The following RNF150 variants were observed in gnomAD, a reference collection of about 807,000 sequenced individuals.
The protein encoded by RNF150 is ring finger protein 150.
RNF150 carries 24 observed loss-of-function variants against 39.3 expected under a neutral mutation model. The observed-to-expected ratio is 0.61, with a 90% CI of 0.44 to 0.86. The LOEUF (loss-of-function observed/expected upper bound fraction) is 0.86. Among genes scored for constraint, RNF150 ranks in the 40% least tolerant of loss-of-function variants. RNF150 has a pLI of 0.00. For synonymous variants in RNF150, 255 were observed against 227.3 expected (o/e 1.12, Z -1.10); for missense variants, 502 against 587.8 (o/e 0.85, Z 1.51).
In RNF150 at chr4:140,868,145, GC is replaced by G; in HGVS notation, c.*115del. 1.5e-6 allele frequency: 1 copy of G among 688,744 alleles called. No individual in the cohort carries two copies. The allele number at this position is 688,744 out of a possible 1,614,324, so 42.7% of individuals were successfully genotyped here. A position where few individuals can be genotyped will look rare whatever the true frequency, so the allele number is the denominator to read the frequency against. On this transcript the variant is annotated 3_prime_UTR_variant, in exon 7 of 7. Coordinates refer to ENST00000515673, the MANE Select transcript of RNF150 (RefSeq NM_020724.2). ...TTTCGTCAGCATTCTTGAACGGAGCGCCCTGGAGTTGCCAAGGTGATCTGGA... is the reference window on the plus strand; with the variant it reads ...TTTCGTCAGCATTCTTGAACGGAGCGCCTGGAGTTGCCAAGGTGATCTGGA...
At chr4:140,899,468 C>T (rs1730088459) in intron 6 of RNF150, among the ~76,000 whole-genome samples, 1 of 152,156 alleles carries the variant, frequency 6.6e-6, no homozygotes, top group Admixed American at 6.5e-5. Context: ...CCTGGAAATT[C>T]CTAGACATCT....
intron 1 of RNF150, among the ~76,000 whole-genome samples, chr4:140,983,239 T>G (rs1171898740): frequency 6.6e-6 from 1 of 152,128 alleles, no homozygotes; most frequent in African/African-American, 2.4e-5. Context: ...TTTCTATTTT[T>G]CATTAACTTT....
intron 1 of RNF150, among the ~76,000 whole-genome samples, chr4:141,084,640 C>T (rs1738285528): frequency 6.6e-6 from 1 of 152,170 alleles, no homozygotes; most frequent in Non-Finnish European, 1.5e-5. Flanking sequence ...ACAGACAATT[C>T]TAGTACAGAG....
chr4:141,009,266 T>C (rs989382141), intron 1 of RNF150, among the ~76,000 whole-genome samples: 5 of 152,230 alleles, frequency 3.3e-5, no homozygotes. Flanking sequence ...ATGTTATTCA[T>C]GTCCAGCAAC....
chr4:140,968,331 C>T (rs769324242), intron 1 of RNF150, among the ~76,000 whole-genome samples: 1 of 151,944 alleles, frequency 6.6e-6, no homozygotes. Flanking sequence ...CTCTCCCCCA[C>T]ACAAACACTA....
intron 1 of RNF150, among the ~76,000 whole-genome samples, chr4:141,072,371 T>G (rs1010186571): frequency 6.6e-6 from 1 of 152,152 alleles, no homozygotes; most frequent in Non-Finnish European, 1.5e-5. Context: ...TAGGTGGCCA[T>G]AGGATAGTAG....
chr4:140,918,277 A>C (rs943043904), intron 5 of RNF150, among the ~76,000 whole-genome samples: 1 of 152,236 alleles, frequency 6.6e-6, no homozygotes, highest in African/African-American at 2.4e-5. Context: ...AACATCAACG[A>C]AATTGATAGA....
chr4:141,056,455 G>A (rs929550164), intron 1 of RNF150, among the ~76,000 whole-genome samples: 3 of 152,038 alleles, frequency 2.0e-5, no homozygotes, highest in African/African-American at 4.8e-5. Flanking sequence ...AAAAGAGAAG[G>A]GTGTGAGGGG....
intron 6 of RNF150, among the ~76,000 whole-genome samples, chr4:140,873,585 A>G (rs1729036842): frequency 6.6e-6 from 1 of 152,222 alleles, no homozygotes; most frequent in African/African-American, 2.4e-5. Context: ...GGGTGGACTT[A>G]AAGACTGATC....
chr4:141,109,297 T>A (rs1319890622), intron 1 of RNF150, among the ~76,000 whole-genome samples: 2 of 152,108 alleles, frequency 1.3e-5, no homozygotes, highest in Non-Finnish European at 2.9e-5. Context: ...GCTAGTATTC[T>A]GAAGCCATTC....
At chr4:141,060,901 C>T (rs973779274) in intron 1 of RNF150, among the ~76,000 whole-genome samples, 2 of 152,124 alleles carry the variant, frequency 1.3e-5, no homozygotes, top group Non-Finnish European at 2.9e-5. Flanking sequence ...GAAAATCAAA[C>T]ACTGCATGTT....
In RNF150 at chr4:141,118,563, G is replaced by A. The variant is rs191703814; in HGVS notation, c.484+13762C>T. On this transcript the variant is annotated intron_variant, in intron 1 of 6. Coordinates refer to ENST00000515673, the MANE Select transcript of RNF150 (RefSeq NM_020724.2). ...GCTCAAAAACACTGGGCCCCAATCAGGCCCAATCAGCCTACCTGCATGACA... is the reference window on the plus strand; with the variant it reads ...GCTCAAAAACACTGGGCCCCAATCAAGCCCAATCAGCCTACCTGCATGACA... Among the ~76,000 whole-genome samples, 454 of 152,232 alleles carry A rather than the reference G, an allele frequency of 3.0e-3. 18 individuals are homozygous for A. Among genetic ancestry groups the A allele is most frequent in the Admixed American group, 0.027 (417 of 15,298 alleles).
chr4:141,131,319 C>T (rs1726886593), intron 1 of RNF150, among the ~76,000 whole-genome samples: 1 of 152,278 alleles, frequency 6.6e-6, no homozygotes, highest in Non-Finnish European at 1.5e-5. Context: ...GCACTGGATG[C>T]CACAGTCTCG....
At chr4:141,023,725 C>G (rs1194270822) in intron 1 of RNF150, among the ~76,000 whole-genome samples, 1 of 152,122 alleles carries the variant, frequency 6.6e-6, no homozygotes, top group Non-Finnish European at 1.5e-5. Flanking sequence ...TGCTCAACTG[C>G]TAGATACAGC....
At chr4:141,171,501 G>T (rs1335516499) in intron 1 of RNF150, among the ~76,000 whole-genome samples, 2 of 151,472 alleles carry the variant, frequency 1.3e-5, no homozygotes, top group African/African-American at 4.9e-5. Flanking sequence ...AGAAAGTGGG[G>T]ATTCTTACTA....
intron 1 of RNF150, among the ~76,000 whole-genome samples, chr4:141,020,086 T>G (rs1008019800): frequency 1.4e-5 from 2 of 141,394 alleles, no homozygotes; most frequent in East Asian, 2.0e-4. Context: ...CCAAGGGAGT[T>G]TTTTTTTGGT....
intron 1 of RNF150, among the ~76,000 whole-genome samples, chr4:141,177,485 TC>T (rs1727834009): frequency 6.6e-6 from 1 of 151,968 alleles, no homozygotes; most frequent in African/African-American, 2.4e-5. Context: ...TTTCTCTCTC[TC>T]TCTCTCTCTC....
intron 1 of RNF150, among the ~76,000 whole-genome samples, chr4:141,035,619 G>A (rs1447059062): frequency 1.3e-5 from 2 of 152,148 alleles, no homozygotes; most frequent in Admixed American, 6.6e-5. Context: ...TAATAACCCT[G>A]CTGAAGGCTA....
At chr4:141,201,600 G>A (rs1728293838) in intron 1 of RNF150, among the ~76,000 whole-genome samples, 1 of 148,832 alleles carries the variant, frequency 6.7e-6, no homozygotes, top group African/African-American at 2.5e-5. Flanking sequence ...TTGTCTCCAT[G>A]AAAAGGAGAG....
Sources: gnomAD v4.1 joint callset for allele counts (sites outside exome capture counted in the v4.1 genomes callset) on GRCh38, gnomAD v4.1.1 for gene constraint, MANE v1.5 for transcripts, NCBI Gene and HGNC (gene_info 2026-07-23, HGNC 2026-07-21) for gene names.